TRIM14: variants seen among roughly 807,000 people sequenced by gnomAD.
TRIM14 encodes tripartite motif containing 14.
A neutral mutation model predicts 44.5 loss-of-function variants in TRIM14; 28 were observed. The observed-to-expected ratio is 0.63, with a 90% confidence interval of 0.47 to 0.86. The LOEUF (loss-of-function observed/expected upper bound fraction) is 0.86, where lower values mean the gene tolerates loss of function less well. TRIM14 is among the 40% of genes least tolerant of loss of function. The pLI is 0.00. For missense variants in TRIM14, 607 were observed against 611.1 expected (o/e 0.99, Z 0.07); for synonymous variants, 299 against 269.2 (o/e 1.11, Z -1.08).
rs534045957 is a variant in TRIM14, at chr9:98,072,046, C to G, written c.*29-2359G>C. Among the ~76,000 whole-genome samples the G allele has an allele frequency of 3.9e-5, 6 of 152,302 alleles. No individual in the cohort carries two copies. The South Asian group carries it at 1.2e-3, about 32-fold the overall frequency. ...TCCTTCCCTCTGCTCCCCAGGCAGC[C>G]CATTTGCTTGGTGTCTGTGATGGGT... On this transcript the variant is annotated intron_variant, in intron 6 of 6. Transcript: ENST00000375098.
At chr9:98,043,433 C>G in the TRIM14 span, among the ~76,000 whole-genome samples, 1 of 152,120 alleles carries the variant, frequency 6.6e-6, no homozygotes, top group Admixed American at 6.5e-5. Context: ...TTCCAAAGTG[C>G]TGGGATTACA....
chr9:98,073,546 G>C (rs1829446675), intron 6 of TRIM14, among the ~76,000 whole-genome samples: 1 of 150,904 alleles, frequency 6.6e-6, no homozygotes, highest in South Asian at 2.1e-4. Flanking sequence ...GCCTCCCAAA[G>C]TGCTGGGATT....
chr9:98,039,798 A>G, the TRIM14 span, among the ~76,000 whole-genome samples: 1 of 152,024 alleles, frequency 6.6e-6, no homozygotes, highest in Non-Finnish European at 1.5e-5. Flanking sequence ...CCCACCCAGC[A>G]AGTTATCCTT....
Position 98,087,875 on chromosome 9 carries a change from G to A in TRIM14, c.924C>T (p.Leu308=). ...GPVPVLRFDA[L]WQVLARDCFA... is the part of the protein sequence containing the mutation. ...AGCAGTCACGAGCCAGCACTTGCCA[G>A]AGCGCGTCGAACCGCAGCACGGGCA... The change falls in exon 6 of 6, where the codon CTC becomes CTT. Residue 308 remains leucine, a synonymous_variant. Coordinates refer to ENST00000341469, the MANE Select transcript of TRIM14 (RefSeq NM_014788.4). 1 of 1,568,086 alleles carries A rather than the reference G, an allele frequency of 6.4e-7. No individual in the cohort carries two copies. Among genetic ancestry groups the A allele is most frequent in the Non-Finnish European group, 8.6e-7 (1 of 1,167,336 alleles).
At chr9:98,088,138 C>A (rs1587943004) in intron 5 of TRIM14, 133 bp from the exon 6 acceptor site, 2 of 1,026,610 alleles carry the variant, frequency 1.9e-6, no homozygotes, top group African/African-American at 3.4e-5. Flanking sequence ...GGGTGACAGA[C>A]CCCTTTAAAC....
chr9:98,072,118 T>G (rs975582436), intron 6 of TRIM14, among the ~76,000 whole-genome samples: 3 of 152,202 alleles, frequency 2.0e-5, no homozygotes, highest in Non-Finnish European at 4.4e-5. Context: ...GCTCACACTC[T>G]GTGTGGCTTG....
At chr9:98,077,789 C>T (rs907252676) in intron 6 of TRIM14, among the ~76,000 whole-genome samples, 10 of 152,294 alleles carry the variant, frequency 6.6e-5, no homozygotes, top group South Asian at 4.1e-4. Context: ...GACTCAGAGA[C>T]GGACAGTACT....
In TRIM14 at chr9:98,085,709, G is replaced by C. The variant is rs931763442; in HGVS notation, c.*1761C>G. The C allele has an allele frequency of 1.3e-5, 2 of 152,054 alleles. No individual in the cohort carries two copies. The highest frequency in any genetic ancestry group is 4.2e-4 in the South Asian group (2 of 4,816). The allele number at this position is 152,054 out of a possible 1,614,324, so 9.4% of individuals were successfully genotyped here. On this transcript the variant is annotated 3_prime_UTR_variant, in exon 6 of 6. Transcript: ENST00000341469. The stretch of plus-strand genomic sequence containing the variant: ...TCCAGCCAGAGTTTTAAAGTCTTTG[G>C]TTAGAAGTTAAGGTGTTTGCAAGGT...
chr9:98,056,009 G>A, the TRIM14 span, among the ~76,000 whole-genome samples: 1 of 152,048 alleles, frequency 6.6e-6, no homozygotes, highest in African/African-American at 2.4e-5. Context: ...CAAAGTGCTG[G>A]GATTACAGGT....
intron 6 of TRIM14, among the ~76,000 whole-genome samples, chr9:98,071,003 G>A (rs541763916): frequency 2.6e-5 from 4 of 151,914 alleles, no homozygotes; most frequent in African/African-American, 9.7e-5. Flanking sequence ...TGTAGAGATG[G>A]GGTCTCCCTA....
Position 98,100,179 on chromosome 9 carries a change from A to G in TRIM14, c.304-15T>C. ...TCTGCATTAGCCTAAAAACAGAAAA[A>G]CCAGTTGCAGATGACATGTCTGCCA... On this transcript the variant is annotated splice_polypyrimidine_tract_variant and intron_variant, in intron 2 of 5. Coordinates refer to ENST00000341469, the MANE Select transcript of TRIM14 (RefSeq NM_014788.4). The G allele has an allele frequency of 4.3e-6, 7 of 1,609,264 alleles. No homozygotes were observed. Among genetic ancestry groups the G allele is most frequent in the South Asian group, 1.1e-5 (1 of 90,974 alleles).
At chr9:98,044,005 C>CTT in the TRIM14 span, among the ~76,000 whole-genome samples, 14 of 131,240 alleles carry the variant, frequency 1.1e-4, no homozygotes, top group East Asian at 2.1e-4. Context: ...TATTTGTTTC[C>CTT]TTTTTTTTTT....
At chr9:98,054,075 A>G in the TRIM14 span, among the ~76,000 whole-genome samples, 4 of 152,172 alleles carry the variant, frequency 2.6e-5, no homozygotes, top group Non-Finnish European at 2.9e-5. Flanking sequence ...GATGGCATCA[A>G]TGAGTAGTCT....
downstream of TRIM14, chr9:98,080,982 G>A (rs1466553738): frequency 1.2e-6 from 2 of 1,614,092 alleles, no homozygotes; most frequent in East Asian, 4.5e-5. Flanking sequence ...CTGGAGCCTG[G>A]AGAACTGGCC....
At chr9:98,071,262 G>A (rs1335691964) in intron 6 of TRIM14, among the ~76,000 whole-genome samples, 6 of 152,146 alleles carry the variant, frequency 3.9e-5, no homozygotes, top group East Asian at 1.9e-4. Context: ...ACATACCCCC[G>A]ACTGTATGAT....
intron 4 of TRIM14, among the ~76,000 whole-genome samples, chr9:98,093,499 T>G (rs527825337): frequency 6.6e-6 from 1 of 152,130 alleles, no homozygotes; most frequent in Non-Finnish European, 1.5e-5. Flanking sequence ...GTGTCTAAGA[T>G]GGCAGGGTTC....
intron 5 of TRIM14, among the ~76,000 whole-genome samples, chr9:98,091,138 C>G (rs543012737): frequency 1.3e-5 from 2 of 152,278 alleles, no homozygotes; most frequent in South Asian, 2.1e-4. Flanking sequence ...TGTGTTCATT[C>G]TCTCATTCAT....
At chr9:98,081,428 T>C (rs962359261), downstream of TRIM14, 4 of 243,924 alleles carry the variant, frequency 1.6e-5, no homozygotes, top group Non-Finnish European at 3.2e-5. Flanking sequence ...AAGTCTGGGC[T>C]CCCTTGGAGC....
downstream of TRIM14, chr9:98,082,959 T>C: frequency 6.2e-7 from 1 of 1,614,168 alleles, no homozygotes; most frequent in Non-Finnish European, 8.5e-7. Flanking sequence ...AAGACATCTT[T>C]AATCTAGTGG....
Sources: gnomAD v4.1 joint callset for allele counts (sites outside exome capture counted in the v4.1 genomes callset) on GRCh38, gnomAD v4.1.1 for gene constraint, MANE v1.5 for transcripts, NCBI Gene and HGNC (gene_info 2026-07-23, HGNC 2026-07-21) for gene names.